The following GML variants were observed in gnomAD, a reference collection of about 807,000 sequenced individuals.
GML encodes the protein glycosyl-phosphatidylinositol-anchored molecule-like protein.
Under a neutral mutation model 8.2 loss-of-function variants are expected in GML, and 5 were observed. That is an observed-to-expected ratio of 0.61 (90% CI 0.32 to 1.28). The LOEUF (loss-of-function observed/expected upper bound fraction) is 1.28, where lower values mean the gene tolerates loss of function less well. Among genes scored for constraint, GML ranks in the 50% most tolerant of loss-of-function variants. The pLI is 0.06. For synonymous variants in GML, 72 were observed against 69.0 expected, an observed-to-expected ratio of 1.04 and a Z score of -0.22; for missense variants, 191 against 198.3, an observed-to-expected ratio of 0.96 and a Z score of 0.22.
At chr8:142,837,026 G>T (rs570763324) in intron 1 of GML, among the ~76,000 whole-genome samples, 89 of 152,280 alleles carry the variant, frequency 5.8e-4, no homozygotes, top group Non-Finnish European at 1.1e-3. Context: ...ATTTGCAGTG[G>T]CTCACACCTG....
Position 142,838,035 on chromosome 8 carries a change from T to C in GML, c.-22-2381T>C, listed in dbSNP as rs754536451. 5.0e-4 allele frequency among the ~76,000 whole-genome samples: 73 copies of C among 146,160 alleles called. 1 individual carries two copies. Among genetic ancestry groups the C allele is most frequent in the Non-Finnish European group, 9.6e-4 (64 of 66,912 alleles). On this transcript the variant is annotated intron_variant, in intron 1 of 3. Transcript: ENST00000220940. ...CAGCTGGTGCCCAAAGTGACAAATG[T>C]ATTTGCAATGACAAAGGGTACCCTG...
chr8:142,841,697 T>A (rs1034413672), intron 3 of GML, among the ~76,000 whole-genome samples: 3 of 152,252 alleles, frequency 2.0e-5, no homozygotes, highest in African/African-American at 7.2e-5. Context: ...GGGCACAGCC[T>A]GCACTTCCAG....
At chr8:142,840,533 G>C (rs1245457538) in intron 2 of GML, 23 bp downstream of exon 2, 3 of 1,552,698 alleles carry the variant, frequency 1.9e-6, no homozygotes, top group African/African-American at 2.7e-5. Flanking sequence ...CCCTCTCACT[G>C]TCCTGGAGAG....
intron 1 of GML, among the ~76,000 whole-genome samples, chr8:142,838,414 C>T (rs1211811310): frequency 2.0e-5 from 3 of 152,034 alleles, no homozygotes; most frequent in Non-Finnish European, 2.9e-5. Context: ...ACCGGAGACT[C>T]GGGGTCTGAG....
Position 142,835,451 on chromosome 8 carries a change from C to A in GML, c.-23+583C>A, listed in dbSNP as rs145395908. ...GCAGCCTGTTCCACGTTCTGCTGCT[C>A]GTTCTTTTCTGGCTCCTTGCTTTCG... On this transcript the variant is annotated intron_variant, in intron 1 of 3. Coordinates refer to ENST00000220940, the MANE Select transcript of GML (RefSeq NM_002066.3). Among the ~76,000 whole-genome samples the A allele has an allele frequency of 9.2e-4, 140 of 152,332 alleles. 1 individual carries two copies. The highest frequency in any genetic ancestry group is 3.4e-3 in the Middle Eastern group (1 of 294).
rs142273167 is a variant in GML, at chr8:142,846,502, A to G, written c.289A>G (p.Asn97Asp). ...AGCCCCAGGAAAAATCTTCAAAACTAATAGCTTCTACTGGGTTTGTTGTTG... is the reference window on the plus strand; with the variant it reads ...AGCCCCAGGAAAAATCTTCAAAACTGATAGCTTCTACTGGGTTTGTTGTTG... ...PEAPGKIFKTNSFYWVCCCNS... is the reference protein window; with the variant it reads ...PEAPGKIFKTDSFYWVCCCNS... The change falls in exon 4 of 4, where the codon AAT (asparagine) becomes GAT (aspartate). Residue 97 changes from asparagine to aspartate, a missense_variant. Asn to Asp is a conservative substitution (Grantham distance 23). Transcript: ENST00000220940. 2.9e-3 allele frequency: 4,722 copies of G among 1,613,886 alleles called. 14 individuals are homozygous for G. Among genetic ancestry groups the G allele is most frequent in the Non-Finnish European group, 3.3e-3 (3,893 of 1,179,718 alleles).
chr8:142,841,923 A>C (rs1013921837), intron 3 of GML, among the ~76,000 whole-genome samples: 3 of 152,114 alleles, frequency 2.0e-5, no homozygotes, highest in African/African-American at 7.2e-5. Context: ...TTGTGCTTGC[A>C]ACTTCACATG....
intron 3 of GML, among the ~76,000 whole-genome samples, 158 bp from the exon 4 acceptor site, chr8:142,846,237 T>G (rs536453201): frequency 1.3e-5 from 2 of 152,216 alleles, no homozygotes. Context: ...GACTTGGATG[T>G]TCTCTCTTAG....
chr8:142,838,688 C>T (rs1328172374), intron 1 of GML, among the ~76,000 whole-genome samples: 1 of 152,170 alleles, frequency 6.6e-6, no homozygotes, highest in African/African-American at 2.4e-5. Context: ...TTCTAGCCCA[C>T]TCTGCTTCTC....
chr8:142,840,426 CTGCGTGAAGTGA>C lies in GML; in HGVS notation c.-8_4del, dbSNP rs763904256. On this transcript the variant is annotated start_lost and 5_prime_UTR_variant, in exon 2 of 4. Coordinates refer to ENST00000220940, the MANE Select transcript of GML (RefSeq NM_002066.3). ...GCTCCTTCCCTTCAGGTCCAGGCTC[CTGCGTGAAGTGA>C]TGCTCCTCTTTGCCTTACTCCTAGC... is the stretch of plus-strand genomic sequence containing the variant. The C allele has an allele frequency of 1.2e-6, 2 of 1,610,902 alleles. No individual in the cohort carries two copies. The highest frequency in any genetic ancestry group is 2.2e-5 in the South Asian group (2 of 91,012).
chr8:142,835,576 AT>A (rs1816328736), intron 1 of GML, among the ~76,000 whole-genome samples: 1 of 151,786 alleles, frequency 6.6e-6, no homozygotes, highest in South Asian at 2.1e-4. Context: ...CCAGGTTTCT[AT>A]TTTTCATTCT....
intron 3 of GML, among the ~76,000 whole-genome samples, chr8:142,842,666 A>G (rs2130223823): frequency 6.6e-6 from 1 of 152,306 alleles, no homozygotes; most frequent in Middle Eastern, 3.4e-3. Context: ...CATCTTCTCC[A>G]CTTTTGAGCC....
At chr8:142,842,015 C>A (rs1206944168) in intron 3 of GML, among the ~76,000 whole-genome samples, 1 of 152,186 alleles carries the variant, frequency 6.6e-6, no homozygotes, top group Non-Finnish European at 1.5e-5. Context: ...CCACCCAGAT[C>A]TCATCTTGAA....
At chr8:142,839,519 G>C (rs1816394318) in intron 1 of GML, among the ~76,000 whole-genome samples, 1 of 152,128 alleles carries the variant, frequency 6.6e-6, no homozygotes, top group Non-Finnish European at 1.5e-5. Flanking sequence ...ATCAGGCTCT[G>C]ACCCCCTCCA....
chr8:142,837,677 G>C (rs388963), intron 1 of GML, among the ~76,000 whole-genome samples: 4 of 134,088 alleles, frequency 3.0e-5, no homozygotes, highest in East Asian at 3.4e-4. Flanking sequence ...AGGTTTCCCT[G>C]TCTAGGCTTT....
chr8:142,841,505 C>G (rs992616435), intron 3 of GML, among the ~76,000 whole-genome samples: 2 of 152,202 alleles, frequency 1.3e-5, no homozygotes, highest in African/African-American at 4.8e-5. Context: ...CTCAGAGCCT[C>G]TACTGTCCCT....
chr8:142,841,167 C>A lies in GML; in HGVS notation c.123C>A (p.Asn41Lys). ...CHDCAVINDF[N>K]CPNIRVCPYH... ...ACTGTGCGGTCATAAATGACTTCAA[C>A]TGTCCCAACATTAGAGTATGTCCGT... is the stretch of plus-strand genomic sequence containing the variant. The change falls in exon 3 of 4, where the codon AAC becomes AAA. Residue 41 changes from asparagine (N) to lysine (K), a missense_variant. Transcript: ENST00000220940. The A allele has an allele frequency of 6.3e-7, 1 of 1,591,542 alleles. No individual in the cohort carries two copies. The highest frequency in any genetic ancestry group is 8.6e-7 in the Non-Finnish European group (1 of 1,159,652).
intron 3 of GML, among the ~76,000 whole-genome samples, chr8:142,845,928 C>T (rs1193596237): frequency 6.6e-6 from 1 of 152,102 alleles, no homozygotes; most frequent in African/African-American, 2.4e-5. Flanking sequence ...AAGGAGTTTA[C>T]CCTAGAAGGG....
chr8:142,840,764 G>A (rs1376456438), intron 2 of GML, among the ~76,000 whole-genome samples: 1 of 152,156 alleles, frequency 6.6e-6, no homozygotes, highest in African/African-American at 2.4e-5. Flanking sequence ...CGCCAGGCAG[G>A]AGGGGCTCTG....
Sources: allele counts gnomAD v4.1 joint callset (sites outside exome capture counted in the v4.1 genomes callset), GRCh38; gene constraint gnomAD v4.1.1; transcripts MANE v1.5; gene names NCBI Gene and HGNC (gene_info 2026-07-23, HGNC 2026-07-21).